CFAP299: variants seen among roughly 807,000 people sequenced by gnomAD.
CFAP299 encodes the protein cilia and flagella associated protein 299.
In CFAP299, 21 loss-of-function variants were observed where a neutral mutation model predicts 27.0. The observed-to-expected ratio is 0.78, with a 90% CI of 0.55 to 1.12. CFAP299 has a LOEUF of 1.12. Among genes scored for constraint, CFAP299 ranks in the 50% most tolerant of loss-of-function variants. The pLI is 0.00. For synonymous variants in CFAP299, 104 were observed against 98.1 expected (o/e 1.06, Z -0.36); for missense variants, 310 against 276.6 (o/e 1.12, Z -0.86).
At chr4:80,944,414 T>A (rs958727010) in intron 4 of CFAP299, among the ~76,000 whole-genome samples, 1 of 152,186 alleles carries the variant, frequency 6.6e-6, no homozygotes, top group Admixed American at 6.5e-5. Context: ...TTATTTGGAA[T>A]TGTTTTGAAT....
intron 3 of CFAP299, among the ~76,000 whole-genome samples, chr4:80,606,641 A>T (rs1458845519): frequency 6.6e-6 from 1 of 152,204 alleles, no homozygotes; most frequent in East Asian, 1.9e-4. Context: ...TTTCCATATT[A>T]GAAATAATGG....
At chr4:80,870,941 C>G in intron 4 of CFAP299, 1 of 939,858 alleles carries the variant, frequency 1.1e-6, no homozygotes. Context: ...GAGTCTCGCT[C>G]TGTCGCCCAG....
chr4:80,718,437 T>C (rs1189289445), intron 3 of CFAP299, among the ~76,000 whole-genome samples: 2 of 152,116 alleles, frequency 1.3e-5, no homozygotes, highest in African/African-American at 4.8e-5. Context: ...AATGCAAACA[T>C]ATGGGAATTG....
chr4:80,451,286 T>C (rs1728892952), intron 2 of CFAP299, among the ~76,000 whole-genome samples: 1 of 152,190 alleles, frequency 6.6e-6, no homozygotes, highest in Non-Finnish European at 1.5e-5. Context: ...TTTTCTCTTG[T>C]TATGAGAATA....
intron 4 of CFAP299, among the ~76,000 whole-genome samples, chr4:80,922,753 T>G (rs1010747764): frequency 1.3e-5 from 2 of 151,446 alleles, no homozygotes; most frequent in Admixed American, 1.3e-4. Flanking sequence ...ATATAAGGTA[T>G]AAACAAGAAA....
At chr4:80,733,580 A>C (rs1389683960) in intron 3 of CFAP299, among the ~76,000 whole-genome samples, 3 of 152,042 alleles carry the variant, frequency 2.0e-5, no homozygotes, top group African/African-American at 7.2e-5. Context: ...TTTTGTATCC[A>C]TTAAGCTTCC....
chr4:80,834,170 G>A (rs1730442144), intron 3 of CFAP299, among the ~76,000 whole-genome samples: 1 of 152,096 alleles, frequency 6.6e-6, no homozygotes, highest in Admixed American at 6.5e-5. Flanking sequence ...TTCACATTGG[G>A]TAATACTCAA....
At chr4:80,361,375 A>C (rs1304753709) in intron 1 of CFAP299, among the ~76,000 whole-genome samples, 1 of 152,240 alleles carries the variant, frequency 6.6e-6, no homozygotes, top group African/African-American at 2.4e-5. Context: ...CCACAACCTC[A>C]CTGAGCTGAA....
intron 3 of CFAP299, among the ~76,000 whole-genome samples, chr4:80,588,432 T>A (rs1318096376): frequency 6.6e-6 from 1 of 151,110 alleles, no homozygotes; most frequent in Admixed American, 6.6e-5. Flanking sequence ...AATAATGTAA[T>A]CTTATGTAAG....
chr4:80,696,884 G>A (rs983802923), intron 3 of CFAP299, among the ~76,000 whole-genome samples: 2 of 152,146 alleles, frequency 1.3e-5, no homozygotes, highest in African/African-American at 4.8e-5. Flanking sequence ...TGGGGAAGTA[G>A]CCAGAAGCAA....
intron 3 of CFAP299, among the ~76,000 whole-genome samples, chr4:80,763,277 T>C (rs1288037919): frequency 6.6e-6 from 1 of 152,142 alleles, no homozygotes; most frequent in Non-Finnish European, 1.5e-5. Flanking sequence ...AAAATTAATA[T>C]GCAAAAATCA....
At chr4:80,886,516 C>T (rs9994008) in intron 4 of CFAP299, among the ~76,000 whole-genome samples, 6,195 of 152,274 alleles carry the variant, frequency 0.041, 230 homozygotes, top group East Asian at 0.16. Context: ...AGACCACCAA[C>T]ACAGTACCTG....
chr4:80,858,704 T>C lies in CFAP299; in HGVS notation c.334-11289T>C, dbSNP rs530557974. 5.5e-4 allele frequency among the ~76,000 whole-genome samples: 84 copies of C among 152,342 alleles called. 5 individuals carry two copies. The South Asian group carries it at 0.015, about 27-fold the overall frequency. On this transcript the variant is annotated intron_variant, in intron 3 of 5. Coordinates refer to ENST00000358105, the MANE Select transcript of CFAP299 (RefSeq NM_152770.3). Reference sequence around the variant, plus strand: ...TCAGGAGCAGGTTGTTCAGTTTCCATATAGTTGAGCGGTTTTGAGTGAGTT... The same window carrying C: ...TCAGGAGCAGGTTGTTCAGTTTCCACATAGTTGAGCGGTTTTGAGTGAGTT...
At chr4:80,872,918 CTTCTTT>C in intron 4 of CFAP299, 3 of 958,950 alleles carry the variant, frequency 3.1e-6, no homozygotes, top group South Asian at 4.9e-5. Flanking sequence ...TGTAGTTCTT[CTTCTTT>C]TTTTTTTTTC....
At chr4:80,765,338 A>C (rs899569449) in intron 3 of CFAP299, among the ~76,000 whole-genome samples, 11 of 152,154 alleles carry the variant, frequency 7.2e-5, no homozygotes, top group Admixed American at 2.6e-4. Flanking sequence ...ATGATATCCA[A>C]CTTTGCTGGC....
chr4:80,741,754 G>T (rs1323345796), intron 3 of CFAP299, among the ~76,000 whole-genome samples: 1 of 152,104 alleles, frequency 6.6e-6, no homozygotes, highest in African/African-American at 2.4e-5. Context: ...GTAGCACAAG[G>T]AATTGCCTAG....
rs528267546 is a variant in CFAP299 at position 80,518,579 on chromosome 4, C to T, written c.243-64514C>T. On this transcript the variant is annotated intron_variant, in intron 2 of 5. Transcript: ENST00000358105. ...AAAATGGATTTTTTTTTTAGCACAT[C>T]GTTTTAAGAGGGCAGAAAGCTCTAA... is the stretch of plus-strand genomic sequence containing the variant. Among the ~76,000 whole-genome samples, 4 of 151,920 alleles carry T rather than the reference C, an allele frequency of 2.6e-5. No individual in the cohort carries two copies. In the East Asian group the frequency reaches 5.8e-4, roughly 22 times the overall value.
At chr4:80,408,650 G>C (rs116034969) in intron 2 of CFAP299, among the ~76,000 whole-genome samples, 1,762 of 152,090 alleles carry the variant, frequency 0.012, 45 homozygotes, top group African/African-American at 0.04. Context: ...GAGTCACAGA[G>C]TAAGTTAGAC....
At chr4:80,733,642 A>G (rs1229711864) in intron 3 of CFAP299, among the ~76,000 whole-genome samples, 3 of 151,972 alleles carry the variant, frequency 2.0e-5, no homozygotes, top group African/African-American at 7.2e-5. Flanking sequence ...CTCTGTGACC[A>G]TTCCTCTAAT....
Sources: allele counts gnomAD v4.1 joint callset (sites outside exome capture counted in the v4.1 genomes callset), GRCh38; gene constraint gnomAD v4.1.1; transcripts MANE v1.5; gene names NCBI Gene and HGNC (gene_info 2026-07-23, HGNC 2026-07-21).